The following SNTG1 variants were observed in gnomAD, a reference collection of about 807,000 sequenced individuals.
SNTG1 encodes the protein syntrophin gamma 1.
SNTG1 carries 39 observed loss-of-function variants against 74.7 expected under a neutral mutation model. The observed-to-expected ratio is 0.52, with a 90% CI of 0.40 to 0.68. The LOEUF (loss-of-function observed/expected upper bound fraction) is 0.68, where lower values mean the gene tolerates loss of function less well. SNTG1 is among the 30% of genes least tolerant of loss of function. The probability of loss-of-function intolerance (pLI) is 0.00; values close to 1 mark genes in which losing one functional copy is unlikely to be tolerated. For synonymous variants in SNTG1, 254 were observed against 217.1 expected, an observed-to-expected ratio of 1.17 and a Z score of -1.49; for missense variants, 685 against 609.5, an observed-to-expected ratio of 1.12 and a Z score of -1.30.
intron 13 of SNTG1, among the ~76,000 whole-genome samples, chr8:50,610,048 T>C (rs2094839487): frequency 6.6e-6 from 1 of 152,206 alleles, no homozygotes; most frequent in African/African-American, 2.4e-5. Context: ...TGATACTCTT[T>C]CGTTGAAAAT....
chr8:50,222,514 C>A (rs2085119706), intron 2 of SNTG1, among the ~76,000 whole-genome samples: 1 of 152,162 alleles, frequency 6.6e-6, no homozygotes, highest in Non-Finnish European at 1.5e-5. Flanking sequence ...TTTTCTAACT[C>A]TCTGAAAATA....
At chr8:50,728,429 C>T (rs554755666) in intron 17 of SNTG1, among the ~76,000 whole-genome samples, 6 of 152,212 alleles carry the variant, frequency 3.9e-5, no homozygotes, top group African/African-American at 1.4e-4. Flanking sequence ...AATGTTGAGG[C>T]CTGGTGAACA....
chr8:50,790,354 C>A (rs2095687407), intron 18 of SNTG1, among the ~76,000 whole-genome samples: 1 of 151,876 alleles, frequency 6.6e-6, no homozygotes, highest in South Asian at 2.1e-4. Flanking sequence ...TGACTCTTTA[C>A]ATTTTTGAAG....
At chr8:50,590,945 A>G (rs1454210298) in intron 13 of SNTG1, 28 bp downstream of exon 13, 1 of 1,494,466 alleles carries the variant, frequency 6.7e-7, no homozygotes, top group African/African-American at 1.4e-5. Context: ...TTGGAAAGCT[A>G]AATAATATAT....
chr8:50,587,891 C>T (rs1342767247), intron 12 of SNTG1, among the ~76,000 whole-genome samples: 2 of 151,820 alleles, frequency 1.3e-5, no homozygotes, highest in African/African-American at 4.8e-5. Context: ...GCGGGCGGAT[C>T]ACGAGGTAGG....
rs184785449 is a variant in SNTG1, at chr8:50,090,312, G to C, written c.-102-82249G>C. ...TAACCGAAGAGGTAAGGATAGAGCT[G>C]GGTCTATGCCCATCTTAAGTGGGGG... On this transcript the variant is annotated intron_variant, in intron 1 of 18. Coordinates refer to ENST00000642720, the MANE Select transcript of SNTG1 (RefSeq NM_018967.5). Among the ~76,000 whole-genome samples the C allele has an allele frequency of 1.0e-3, 156 of 152,242 alleles. 1 individual carries two copies. The highest frequency in any genetic ancestry group is 3.4e-3 in the Middle Eastern group (1 of 294).
intron 2 of SNTG1, among the ~76,000 whole-genome samples, chr8:50,227,409 A>G (rs1231015198): frequency 6.6e-6 from 1 of 152,158 alleles, no homozygotes; most frequent in Non-Finnish European, 1.5e-5. Flanking sequence ...AGAAATCTTC[A>G]TTAGAAAACC....
At chr8:50,302,173 T>C (rs1248450773) in intron 2 of SNTG1, among the ~76,000 whole-genome samples, 3 of 152,172 alleles carry the variant, frequency 2.0e-5, no homozygotes, top group Admixed American at 1.3e-4. Context: ...GGTGTGTGGA[T>C]TGGGGAACAC....
chr8:50,779,946 A>G (rs370287367), intron 18 of SNTG1, among the ~76,000 whole-genome samples: 18 of 152,018 alleles, frequency 1.2e-4, no homozygotes, highest in African/African-American at 3.1e-4. Flanking sequence ...CCTTTTCTGC[A>G]TCTATTGAGA....
intron 1 of SNTG1, among the ~76,000 whole-genome samples, chr8:50,154,276 GA>G (rs1298092205): frequency 6.6e-6 from 1 of 152,144 alleles, no homozygotes; most frequent in African/African-American, 2.4e-5. Context: ...AAGACCCTTG[GA>G]AAAGTGCAGT....
chr8:50,472,933 TC>T (rs879742797), intron 8 of SNTG1, among the ~76,000 whole-genome samples: 2 of 152,186 alleles, frequency 1.3e-5, no homozygotes, highest in Admixed American at 6.5e-5. Flanking sequence ...GAAAAAATGC[TC>T]AACACACTAA....
chr8:49,981,128 G>A (rs771996299), intron 1 of SNTG1, among the ~76,000 whole-genome samples: 9 of 152,110 alleles, frequency 5.9e-5, no homozygotes, highest in Non-Finnish European at 1.2e-4. Flanking sequence ...GGCAGGCCAG[G>A]GTATTAATCT....
chr8:50,059,527 C>A (rs955875964), intron 1 of SNTG1, among the ~76,000 whole-genome samples: 1 of 152,054 alleles, frequency 6.6e-6, no homozygotes, highest in African/African-American at 2.4e-5. Context: ...CCTTGGTATA[C>A]CACTAACCTA....
chr8:49,940,580 G>A (rs1289938901), intron 1 of SNTG1, among the ~76,000 whole-genome samples: 1 of 152,122 alleles, frequency 6.6e-6, no homozygotes. Context: ...TGCTCAAGGA[G>A]AGACAATGTG....
intron 2 of SNTG1, among the ~76,000 whole-genome samples, chr8:50,220,754 T>C (rs911828108): frequency 1.3e-5 from 2 of 152,200 alleles, no homozygotes; most frequent in African/African-American, 2.4e-5. Flanking sequence ...TTTCTTAAGA[T>C]ACATGCAGTA....
At chr8:50,107,942 A>G (rs979298084) in intron 1 of SNTG1, among the ~76,000 whole-genome samples, 1 of 152,144 alleles carries the variant, frequency 6.6e-6, no homozygotes, top group African/African-American at 2.4e-5. Flanking sequence ...ACATCACATA[A>G]TTTTTTGGTA....
intron 1 of SNTG1, among the ~76,000 whole-genome samples, chr8:50,150,129 C>A (rs899254695): frequency 3.9e-5 from 6 of 152,024 alleles, no homozygotes; most frequent in Non-Finnish European, 7.4e-5. Flanking sequence ...AGTTGGATTC[C>A]TAGGTATTTT....
chr8:50,442,174 T>G (rs1293420080), intron 5 of SNTG1, among the ~76,000 whole-genome samples: 2 of 152,196 alleles, frequency 1.3e-5, no homozygotes, highest in Admixed American at 1.3e-4. Context: ...AGAAATCCTT[T>G]TTAACCTCTG....
intron 4 of SNTG1, among the ~76,000 whole-genome samples, chr8:50,408,108 C>T (rs2092902779): frequency 6.6e-6 from 1 of 152,130 alleles, no homozygotes; most frequent in African/African-American, 2.4e-5. Context: ...GGAAACAATG[C>T]CTAGGTGCTG....
Sources: allele counts gnomAD v4.1 joint callset (sites outside exome capture counted in the v4.1 genomes callset), GRCh38; gene constraint gnomAD v4.1.1; transcripts MANE v1.5; gene names NCBI Gene and HGNC (gene_info 2026-07-23, HGNC 2026-07-21).